Variants in SCN1A observed in about 807,000 individuals in gnomAD.
SCN1A encodes sodium channel protein type 1 subunit alpha.
SCN1A carries 13 observed loss-of-function variants against 193.7 expected under a neutral mutation model. That is an observed-to-expected ratio of 0.07 (90% confidence interval 0.04 to 0.11). The LOEUF (loss-of-function observed/expected upper bound fraction) is 0.11, where lower values mean the gene tolerates loss of function less well. Ranked by LOEUF, SCN1A falls within the 10% of genes least tolerant of loss-of-function variation. SCN1A has a pLI of 1.00. For missense variants in SCN1A, 1,432 were observed against 2,451.1 expected (o/e 0.58, Z 8.78); for synonymous variants, 781 against 843.6 (o/e 0.93, Z 1.29).
intron 19 of SCN1A, among the ~76,000 whole-genome samples, chr2:166,026,840 C>A (rs1694851421): frequency 6.6e-6 from 1 of 151,776 alleles, no homozygotes; most frequent in South Asian, 2.1e-4. Context: ...CCCACCACTG[C>A]ACCCGGCTAA....
intron 1 of SCN1A, among the ~76,000 whole-genome samples, chr2:166,139,863 G>A (rs1280800733): frequency 6.6e-6 from 1 of 152,180 alleles, no homozygotes; most frequent in Admixed American, 6.5e-5. Flanking sequence ...TACAATTCAA[G>A]ATGAGATTTG....
At chr2:166,096,442 C>T (rs1280271560) in intron 2 of SCN1A, among the ~76,000 whole-genome samples, 6 of 152,078 alleles carry the variant, frequency 3.9e-5, no homozygotes, top group Admixed American at 3.9e-4. Flanking sequence ...CCACCACACC[C>T]AGCTAATTTT....
At chr2:166,054,209 A>C (rs747763319) in intron 7 of SCN1A, among the ~76,000 whole-genome samples, 1 of 151,978 alleles carries the variant, frequency 6.6e-6, no homozygotes, top group Non-Finnish European at 1.5e-5. Context: ...ATTTTACCAA[A>C]CCAATAAAAG....
intron 2 of SCN1A, among the ~76,000 whole-genome samples, chr2:166,094,005 T>C (rs975384003): frequency 6.6e-6 from 1 of 152,072 alleles, no homozygotes; most frequent in Non-Finnish European, 1.5e-5. Context: ...CATTCCACTT[T>C]TTCATGAAAA....
intron 5 of SCN1A, among the ~76,000 whole-genome samples, chr2:166,057,453 G>T (rs1310213570): frequency 6.6e-6 from 1 of 151,878 alleles, no homozygotes; most frequent in Admixed American, 6.6e-5. Context: ...AAGGGTCCAG[G>T]ACTAGAATAT....
Position 165,992,548 on chromosome 2 carries a change from A to G in SCN1A, c.4853-126T>C. ...CCCAGTTATATTAAATATGACAACT[A>G]TATATAATATATATATAATTGTACA... is the stretch of plus-strand genomic sequence containing the variant. On this transcript the variant is annotated intron_variant, in intron 28 of 28. Coordinates refer to ENST00000674923, the MANE Select transcript of SCN1A (RefSeq NM_001165963.4). This position sits in a 1 kb window ranked among gnomAD's most constrained non-coding sequence, Gnocchi z 6.5. 3 of 612,570 alleles carry G rather than the reference A, an allele frequency of 4.9e-6. No individual in the cohort carries two copies. The highest frequency in any genetic ancestry group is 4.7e-4 in the Middle Eastern group (1 of 2,144). The allele number at this position is 612,570 out of a possible 1,614,324, so 37.9% of individuals were successfully genotyped here.
At chr2:166,104,244 C>G (rs897564027) in intron 2 of SCN1A, 4 of 152,146 alleles carry the variant, frequency 2.6e-5, no homozygotes, top group African/African-American at 9.6e-5. Flanking sequence ...TTAATCTTTG[C>G]AGAATACAAA....
At position 166,058,644 on chromosome 2, in the gene SCN1A, A is replaced by G. The variant is rs774962382; in HGVS notation, c.309T>C (p.Ser103=). The change falls in exon 5 of 29, where the codon AGT becomes AGC. Residue 103 remains serine (S), a synonymous_variant. Coordinates refer to ENST00000674923, the MANE Select transcript of SCN1A (RefSeq NM_001165963.4). The part of the protein sequence containing the change: ...LNKGKAIFRF[S]ATSALYILTP... ...TTAAAATGTACAGGGCAGAGGTGGC[A>G]CTGAACCGGAAGATGGCCTTCCCTT... 4 of 1,612,378 alleles carry G rather than the reference A, an allele frequency of 2.5e-6. No homozygotes were observed. Among genetic ancestry groups the G allele is most frequent in the Admixed American group, 1.7e-5 (1 of 59,994 alleles).
intron 19 of SCN1A, among the ~76,000 whole-genome samples, chr2:166,033,195 C>G (rs1373778839): frequency 6.6e-6 from 1 of 152,114 alleles, no homozygotes; most frequent in East Asian, 1.9e-4. Context: ...AGAAAGCAAT[C>G]TGTTCTGCCT....
At chr2:166,072,161 G>C (rs768272849) in intron 4 of SCN1A, among the ~76,000 whole-genome samples, 1 of 152,068 alleles carries the variant, frequency 6.6e-6, no homozygotes, top group Non-Finnish European at 1.5e-5. Context: ...TTAAGGTCCA[G>C]GTCCAACAAA....
At chr2:165,999,939 G>C in intron 24 of SCN1A, 163 bp from the exon 25 acceptor site, 1 of 666,034 alleles carries the variant, frequency 1.5e-6, no homozygotes, top group East Asian at 2.7e-5. Context: ...TTTTAGTATG[G>C]CTTTTCATTT....
In SCN1A at chr2:165,988,875, C is replaced by T. The variant is rs1338881078; in HGVS notation, c.*2370G>A. ...ATCCACCATCACTCTGGCTTCCATA[C>T]TTCTCTTCCTCCTAGAATCACTAGC... On this transcript the variant is annotated 3_prime_UTR_variant, in exon 29 of 29. Transcript: ENST00000674923. The T allele has an allele frequency of 1.3e-5, 2 of 152,294 alleles. No homozygotes were observed. Among genetic ancestry groups the T allele is most frequent in the Admixed American group, 6.6e-5 (1 of 15,258 alleles). The allele number at this position is 152,294 out of a possible 1,614,324, so 9.4% of individuals were successfully genotyped here. A position where few individuals can be genotyped will look rare whatever the true frequency, so the allele number is the denominator to read the frequency against.
upstream of SCN1A, among the ~76,000 whole-genome samples, chr2:166,129,434 A>C (rs1339484665): frequency 6.6e-6 from 1 of 152,214 alleles, no homozygotes; most frequent in Non-Finnish European, 1.5e-5. Flanking sequence ...TAAAAGAAAG[A>C]AATTAAGTAA....
At chr2:166,083,572 A>G (rs1288128297) in intron 2 of SCN1A, among the ~76,000 whole-genome samples, 4 of 152,042 alleles carry the variant, frequency 2.6e-5, no homozygotes, top group Non-Finnish European at 5.9e-5. Context: ...TACAGTACAT[A>G]GTTTTTGCCT....
intron 1 of SCN1A, among the ~76,000 whole-genome samples, chr2:166,133,357 A>G (rs1691733534): frequency 6.6e-6 from 1 of 152,188 alleles, no homozygotes; most frequent in African/African-American, 2.4e-5. Context: ...TTGGTGTTGG[A>G]GAGGGAAATA....
At chr2:166,004,141 A>G (rs1691328084) in intron 23 of SCN1A, among the ~76,000 whole-genome samples, 1 of 151,652 alleles carries the variant, frequency 6.6e-6, no homozygotes, top group Non-Finnish European at 1.5e-5. Context: ...GTCTGCATTA[A>G]TACAATGGAC....
intron 2 of SCN1A, among the ~76,000 whole-genome samples, 151 bp downstream of exon 2, chr2:166,126,773 C>T (rs527613059): frequency 6.6e-6 from 1 of 152,310 alleles, no homozygotes; most frequent in Admixed American, 6.5e-5. Flanking sequence ...GTAATATACC[C>T]TGCCTTGACT....
At chr2:166,123,937 A>T (rs1690929767) in intron 2 of SCN1A, among the ~76,000 whole-genome samples, 1 of 152,006 alleles carries the variant, frequency 6.6e-6, no homozygotes, top group Non-Finnish European at 1.5e-5. Flanking sequence ...GAGGCACTTC[A>T]CCCTTTAGCA....
In SCN1A at chr2:165,992,247, T is replaced by C. The variant is rs763806559; in HGVS notation, c.5028A>G (p.Leu1676=). The C allele has an allele frequency of 1.1e-5, 17 of 1,613,304 alleles. No individual in the cohort carries two copies. Among genetic ancestry groups the C allele is most frequent in the Non-Finnish European group, 1.4e-5 (17 of 1,179,808 alleles). Residue 1676 remains leucine (L), a synonymous_variant, in exon 29 of 29, where the codon CTA becomes CTG. Coordinates refer to ENST00000674923, the MANE Select transcript of SCN1A (RefSeq NM_001165963.4). This position sits in a 1 kb window ranked among gnomAD's most constrained non-coding sequence, Gnocchi z 6.5. ...CGTAGATGAACATGACTAGGAAGAG[T>C]AGGAGGCCGATGTTAAACAACGCAG... ...SLPALFNIGL[L]LFLVMFIYAI...
Sources: allele counts gnomAD v4.1 joint callset (sites outside exome capture counted in the v4.1 genomes callset), GRCh38; gene constraint gnomAD v4.1.1; non-coding constraint Gnocchi (gnomAD v3.1); transcripts MANE v1.5; gene names NCBI Gene and HGNC (gene_info 2026-07-23, HGNC 2026-07-21).